EYA1: variants seen among roughly 807,000 people sequenced by gnomAD.
The protein encoded by EYA1 is EYA transcriptional coactivator and phosphatase 1.
In EYA1, 16 loss-of-function variants were observed where a neutral mutation model predicts 82.0. That is an observed-to-expected ratio of 0.20 (90% CI 0.13 to 0.30). The LOEUF is 0.30. EYA1 is among the 10% of genes least tolerant of loss of function. The pLI is 1.00. For missense variants in EYA1, 633 were observed against 730.7 expected (o/e 0.87, Z 1.54); for synonymous variants, 261 against 264.4 (o/e 0.99, Z 0.12).
chr8:71,331,839 TTTTTGTTTTTG>T lies in EYA1; in HGVS notation c.202+2247_202+2257del, dbSNP rs1484171174. The stretch of plus-strand genomic sequence containing the variant: ...TTGCTTCCAGTTCAACACTATTGCT[TTTTTGTTTTTG>T]TTTTGTTTTTGTTTTGAGACAGAGT... On this transcript the variant is annotated intron_variant, in intron 4 of 17. Transcript: ENST00000340726. 5.3e-5 allele frequency among the ~76,000 whole-genome samples: 8 copies of T among 152,028 alleles called. No homozygotes were observed. The East Asian group carries it at 7.7e-4, about 15-fold the overall frequency.
intron 11 of EYA1, among the ~76,000 whole-genome samples, chr8:71,247,055 G>T (rs1216382094): frequency 6.8e-6 from 1 of 147,718 alleles, no homozygotes; most frequent in East Asian, 2.0e-4. Context: ...CTACTGTCTT[G>T]GCACCGCCCA....
intron 2 of EYA1, among the ~76,000 whole-genome samples, chr8:71,445,087 T>TTTATG (rs966290595): frequency 3.9e-5 from 6 of 152,364 alleles, no homozygotes; most frequent in African/African-American, 1.4e-4. Context: ...TTTGTATTGC[T>TTTATG]TTATGTTATG....
At chr8:71,518,810 G>A (rs1310861313) in intron 2 of EYA1, among the ~76,000 whole-genome samples, 1 of 152,064 alleles carries the variant, frequency 6.6e-6, no homozygotes, top group East Asian at 1.9e-4. Flanking sequence ...CATGTTTGTG[G>A]CCTTGTTAGT....
chr8:71,536,214 C>T (rs1004690802), intron 1 of EYA1, among the ~76,000 whole-genome samples: 3 of 151,900 alleles, frequency 2.0e-5, no homozygotes, highest in Admixed American at 6.6e-5. Context: ...TTAGTTTCTC[C>T]GTGCTATCTA....
At position 71,514,983 on chromosome 8, in the gene EYA1, T is replaced by C. The variant is rs75336511; in HGVS notation, c.33+20761A>G. ...AAGACAAACAGTAGAGCAAAATTTG[T>C]ATTAAGATCTGGAATAAGACAACTC... is the stretch of plus-strand genomic sequence containing the variant. On this transcript the variant is annotated intron_variant, in intron 2 of 18. Coordinates refer to the EYA1 transcript ENST00000643681. 4.7e-3 allele frequency among the ~76,000 whole-genome samples: 719 copies of C among 152,290 alleles called. 6 individuals are homozygous for C. The highest frequency in any genetic ancestry group is 0.016 in the African/African-American group (676 of 41,576).
intron 12 of EYA1, among the ~76,000 whole-genome samples, chr8:71,241,712 C>T (rs934784383): frequency 6.6e-6 from 1 of 151,676 alleles, no homozygotes; most frequent in Non-Finnish European, 1.5e-5. Context: ...ATGTCCCCTA[C>T]CACTATCCAT....
intron 2 of EYA1, among the ~76,000 whole-genome samples, chr8:71,398,469 G>A (rs1051219319): frequency 1.3e-5 from 2 of 152,160 alleles, no homozygotes; most frequent in Non-Finnish European, 2.9e-5. Flanking sequence ...CGTACAGATG[G>A]GGTTTTGGTG....
chr8:71,462,483 T>A (rs1808435110), intron 2 of EYA1, among the ~76,000 whole-genome samples: 3 of 152,186 alleles, frequency 2.0e-5, no homozygotes, highest in African/African-American at 4.8e-5. Flanking sequence ...TGTACAGAGG[T>A]GCAAAGATGC....
chr8:71,220,078 C>A (rs1345791359), intron 12 of EYA1, among the ~76,000 whole-genome samples: 1 of 152,116 alleles, frequency 6.6e-6, no homozygotes, highest in East Asian at 1.9e-4. Context: ...GTTTAAAGCT[C>A]TCCTGGAAGA....
intron 16 of EYA1, among the ~76,000 whole-genome samples, chr8:71,215,092 G>A (rs908841268): frequency 4.6e-5 from 7 of 151,976 alleles, no homozygotes; most frequent in African/African-American, 1.5e-4. Context: ...TTTTGTTAAT[G>A]TTGCCTAAAA....
intron 2 of EYA1, among the ~76,000 whole-genome samples, chr8:71,437,212 G>A (rs1401799975): frequency 2.0e-5 from 3 of 151,588 alleles, no homozygotes; most frequent in Non-Finnish European, 4.4e-5. Flanking sequence ...TTGAAGAAAA[G>A]CTGTTATTTA....
intron 9 of EYA1, among the ~76,000 whole-genome samples, chr8:71,292,930 A>T (rs1041797910): frequency 3.4e-4 from 52 of 152,048 alleles, no homozygotes; most frequent in African/African-American, 1.2e-3. Context: ...ATCAGAAAAA[A>T]ATTATGAAAT....
intron 2 of EYA1, chr8:71,529,746 C>G (rs935859668): frequency 6.6e-6 from 1 of 152,090 alleles, no homozygotes; most frequent in African/African-American, 2.4e-5. Flanking sequence ...TTAGCCAGCA[C>G]TGTGCAAGGG....
intron 6 of EYA1, among the ~76,000 whole-genome samples, chr8:71,319,318 G>C (rs965139189): frequency 6.6e-5 from 10 of 151,992 alleles, no homozygotes; most frequent in African/African-American, 2.4e-4. Flanking sequence ...TTTTAGTAGA[G>C]ACGGCGTTTC....
chr8:71,442,699 C>T (rs1806519352), intron 2 of EYA1, among the ~76,000 whole-genome samples: 1 of 152,126 alleles, frequency 6.6e-6, no homozygotes, highest in African/African-American at 2.4e-5. Context: ...CTCAATTCGT[C>T]TTTATAATAC....
chr8:71,431,909 A>C (rs1805646577), intron 2 of EYA1, among the ~76,000 whole-genome samples: 1 of 152,182 alleles, frequency 6.6e-6, no homozygotes, highest in Non-Finnish European at 1.5e-5. Flanking sequence ...ATCTGTCAAG[A>C]TGGGACCCTT....
chr8:71,235,586 C>T (rs1429003017), intron 12 of EYA1, among the ~76,000 whole-genome samples: 1 of 152,172 alleles, frequency 6.6e-6, no homozygotes, highest in Non-Finnish European at 1.5e-5. Context: ...TAGCACTTAT[C>T]TCTGCCTGCA....
chr8:71,287,901 C>G (rs966358058), intron 9 of EYA1, among the ~76,000 whole-genome samples: 1 of 152,200 alleles, frequency 6.6e-6, no homozygotes, highest in East Asian at 1.9e-4. Context: ...TACATCATTT[C>G]ATTCTCATAG....
chr8:71,233,974 G>C (rs1469053745), intron 12 of EYA1, among the ~76,000 whole-genome samples: 6 of 152,162 alleles, frequency 3.9e-5, no homozygotes, highest in Non-Finnish European at 8.8e-5. Context: ...ATTTCCCAGT[G>C]GGGGGTAGAC....
Sources: gnomAD v4.1 joint callset for allele counts (sites outside exome capture counted in the v4.1 genomes callset) on GRCh38, gnomAD v4.1.1 for gene constraint, MANE v1.5 for transcripts, NCBI Gene and HGNC (gene_info 2026-07-23, HGNC 2026-07-21) for gene names.